The following CATSPER1 variants were observed in gnomAD, a reference collection of about 807,000 sequenced individuals.
CATSPER1 encodes cation channel sperm-associated protein 1.
CATSPER1 carries 57 observed loss-of-function variants against 72.7 expected under a neutral mutation model. The observed-to-expected ratio is 0.78, with a 90% CI of 0.63 to 0.98. The LOEUF is 0.98. Among genes scored for constraint, CATSPER1 ranks in the 50% least tolerant of loss-of-function variants. The pLI, the probability that CATSPER1 is intolerant of heterozygous loss-of-function variation, is 0.00. For missense variants in CATSPER1, 910 were observed against 1,033.9 expected (o/e 0.88, Z 1.64); for synonymous variants, 363 against 403.0 (o/e 0.90, Z 1.19).
In CATSPER1 at chr11:66,022,891, T is replaced by A; in HGVS notation, c.1387A>T (p.Met463Leu). The change falls in exon 2 of 12, where the codon ATG becomes TTG. Residue 463 changes from methionine (M) to leucine (L), a missense_variant. Physicochemically the swap from Met to Leu is conservative, Grantham distance 15 (BLOSUM62 2). Transcript: ENST00000312106. ...IFFVVCLNTV[M>L]LVAQTFAEVE... ...TCAGCGAAGGTCTGGGCCACCAGCA[T>A]GACGGTGTTGAGGCAGACAACGAAG... The A allele has an allele frequency of 6.2e-7, 1 of 1,614,206 alleles. No individual in the cohort carries two copies. Among genetic ancestry groups the A allele is most frequent in the Non-Finnish European group, 8.5e-7 (1 of 1,180,042 alleles).
chr11:66,024,786 A>ATGATC (rs1856459399), intron 1 of CATSPER1, among the ~76,000 whole-genome samples: 1 of 152,156 alleles, frequency 6.6e-6, no homozygotes, highest in Non-Finnish European at 1.5e-5. Flanking sequence ...CGAGCACAGG[A>ATGATC]TGATCTGTGG....
intron 10 of CATSPER1, 83 bp from the exon 11 acceptor site, chr11:66,017,257 G>A (rs918872786): frequency 1.0e-5 from 10 of 970,232 alleles, no homozygotes; most frequent in Non-Finnish European, 1.6e-5. Flanking sequence ...ACCACCCAGA[G>A]GCTCTTCTTG....
intron 1 of CATSPER1, 32 bp downstream of exon 1, chr11:66,025,132 G>C: frequency 6.2e-7 from 1 of 1,613,794 alleles, no homozygotes; most frequent in Non-Finnish European, 8.5e-7. Context: ...CAGGCAGCAG[G>C]AGTTGGCATG....
In CATSPER1 at chr11:66,021,095, G is replaced by A. The variant is rs778571427; in HGVS notation, c.1782C>T (p.Leu594=). The change falls in exon 5 of 12, where the codon CTC becomes CTT. Residue 594 remains leucine, a splice_region_variant and synonymous_variant. Transcript: ENST00000312106. ...CCAGCCCCTGCAGCACCAGGATACAGAGGCAGGTAAACATGAGGATGAGGA... is the reference window on the plus strand; with the variant it reads ...CCAGCCCCTGCAGCACCAGGATACAAAGGCAGGTAAACATGAGGATGAGGA... The part of the protein sequence containing the change: ...AAILILMFTC[L]FLFSAVLRAL... 15 of 1,612,174 alleles carry A rather than the reference G, an allele frequency of 9.3e-6. No individual in the cohort carries two copies. In the South Asian group the frequency reaches 1.4e-4, roughly 15 times the overall value.
At chr11:66,019,737 A>G (rs1244149153) in intron 9 of CATSPER1, among the ~76,000 whole-genome samples, 1 of 151,558 alleles carries the variant, frequency 6.6e-6, no homozygotes, top group Non-Finnish European at 1.5e-5. Flanking sequence ...TTCTACTAAA[A>G]AATACACACA....
At chr11:66,023,969 G>A (rs1466526873) in intron 1 of CATSPER1, among the ~76,000 whole-genome samples, 2 of 150,954 alleles carry the variant, frequency 1.3e-5, no homozygotes, top group South Asian at 2.1e-4. Context: ...GTTTGTTGTT[G>A]TTGTTGTTTT....
chr11:66,026,313 AG>A lies in CATSPER1; in HGVS notation c.66del (p.Arg24AlafsTer311). 1 of 1,614,218 alleles carries A rather than the reference AG, an allele frequency of 6.2e-7. No individual in the cohort carries two copies. The highest frequency in any genetic ancestry group is 8.5e-7 in the Non-Finnish European group (1 of 1,180,030). On this transcript the variant is annotated frameshift_variant, in exon 1 of 12. Transcript: ENST00000312106. LOFTEE classifies it high-confidence loss of function. ...TGTGGGGGTGATGAGTGAGAGCGAA[AG>A]AACCTATCTGCGTTATTGGTGTCTG... ...NEADTNNADR[F>X]FRSHSSPPHH... is the part of the protein sequence containing the mutation.
rs1277934028 is a variant in CATSPER1 at position 66,020,236 on chromosome 11, A to G, written c.2065-36T>C. The G allele has an allele frequency of 3.7e-6, 6 of 1,613,940 alleles. No homozygotes were observed. Among genetic ancestry groups the G allele is most frequent in the Non-Finnish European group, 3.4e-6 (4 of 1,179,952 alleles). ...GAGGCCTCAGATCTGCCAGAGTCCC[A>G]GGCCTGCTCAACCCTGGAGGCCCCT... is the stretch of plus-strand genomic sequence containing the variant. On this transcript the variant is annotated intron_variant, in intron 8 of 11. Coordinates refer to ENST00000312106, the MANE Select transcript of CATSPER1 (RefSeq NM_053054.4). The surrounding 1 kb of genome is among the most constrained non-coding windows in gnomAD (Gnocchi z 4.5).
At position 66,022,919 on chromosome 11, in the gene CATSPER1, G is replaced by A; in HGVS notation, c.1359C>T (p.Ile453=). The part of the protein sequence containing the change: ...LTQSLAFETF[I]FFVVCLNTVM... ...CGGTGTTGAGGCAGACAACGAAGAA[G>A]ATGAAAGTTTCAAAGGCCAAGGATT... The change falls in exon 2 of 12, where the codon ATC becomes ATT. Residue 453 remains isoleucine, a synonymous_variant. Transcript: ENST00000312106. 1.2e-6 allele frequency: 2 copies of A among 1,614,258 alleles called. No individual in the cohort carries two copies. The highest frequency in any genetic ancestry group is 1.7e-6 in the Non-Finnish European group (2 of 1,180,044).
At position 66,023,145 on chromosome 11, in the gene CATSPER1, A is replaced by G. The variant is rs1248203833; in HGVS notation, c.1217-84T>C. 4 of 1,287,540 alleles carry G rather than the reference A, an allele frequency of 3.1e-6. No homozygotes were observed. The Admixed American group carries it at 7.0e-5, about 23-fold the overall frequency. 79.8% of individuals were successfully genotyped at this position (1,287,540 alleles called of 1,614,324 possible). ...CACCCCCCAGCCTGGCTCAGCGTCCATGGTCACTCCTGCCTGCTTGCTGGC... is the reference window on the plus strand; with the variant it reads ...CACCCCCCAGCCTGGCTCAGCGTCCGTGGTCACTCCTGCCTGCTTGCTGGC... On this transcript the variant is annotated intron_variant, in intron 1 of 11. Transcript: ENST00000312106.
chr11:66,024,271 GTTTTTTTTTTTTT>G (rs796751086), intron 1 of CATSPER1, among the ~76,000 whole-genome samples: 3 of 110,604 alleles, frequency 2.7e-5, no homozygotes, highest in African/African-American at 3.7e-5. Context: ...CAGCCTATTT[GTTTTTTTTTTTTT>G]TTTTTTTTTT....
At chr11:66,016,954 C>G (rs1469972544) in intron 11 of CATSPER1, 38 bp from the exon 12 acceptor site, 1 of 1,614,044 alleles carries the variant, frequency 6.2e-7, no homozygotes, top group South Asian at 1.1e-5. Context: ...GTGAATGAGC[C>G]AGACTTTGCC....
In CATSPER1 at chr11:66,026,302, G is replaced by A. The variant is rs1285346792; in HGVS notation, c.78C>T (p.His26=). The part of the protein sequence containing the change: ...TNNADRFFRS[H]SSPPHHRPGH... ...CTGGCCTGTGGTGTGGGGGTGATGAGTGAGAGCGAAAGAACCTATCTGCGT... is the reference window on the plus strand; with the variant it reads ...CTGGCCTGTGGTGTGGGGGTGATGAATGAGAGCGAAAGAACCTATCTGCGT... The change falls in exon 1 of 12, where the codon CAC becomes CAT. Residue 26 remains histidine, a synonymous_variant. Coordinates refer to ENST00000312106, the MANE Select transcript of CATSPER1 (RefSeq NM_053054.4). The A allele has an allele frequency of 1.9e-6, 3 of 1,614,106 alleles. No individual in the cohort carries two copies. Among genetic ancestry groups the A allele is most frequent in the Non-Finnish European group, 2.5e-6 (3 of 1,180,034 alleles).
rs758815442 is a variant in CATSPER1 at position 66,025,740 on chromosome 11, G to C, written c.640C>G (p.His214Asp). ...HDESQHHQVP[H>D]RGWPHHHQVH... ...TGGTGATGGTGGGGCCAGCCACGGTGGGGGACTTGGTGATGCTGGGACTCA... is the reference window on the plus strand; with the variant it reads ...TGGTGATGGTGGGGCCAGCCACGGTCGGGGACTTGGTGATGCTGGGACTCA... Residue 214 changes from histidine to aspartate, a missense_variant, in exon 1 of 12, where the codon CAC (histidine) becomes GAC (aspartate). Transcript: ENST00000312106. 1.9e-5 allele frequency: 30 copies of C among 1,613,838 alleles called. 1 individual carries two copies. In the Middle Eastern group the frequency reaches 4.9e-4, roughly 27 times the overall value.
chr11:66,020,529 T>C lies in CATSPER1; in HGVS notation c.1991+35A>G, dbSNP rs754621834. The C allele has an allele frequency of 6.2e-6, 10 of 1,601,810 alleles. No individual in the cohort carries two copies. The African/African-American group carries it at 1.3e-4, about 21-fold the overall frequency. On this transcript the variant is annotated intron_variant, in intron 7 of 11. Coordinates refer to ENST00000312106, the MANE Select transcript of CATSPER1 (RefSeq NM_053054.4). The surrounding 1 kb of genome is among the most constrained non-coding windows in gnomAD (Gnocchi z 4.5). ...CCCAGGGGAGAGGAGGAAGTGTGGG[T>C]GGTGCTGGGCAGCAGAGCAGGGGTG...
chr11:66,025,073 G>C (rs56947039), intron 1 of CATSPER1, 91 bp downstream of exon 1: 4 of 1,539,110 alleles, frequency 2.6e-6, no homozygotes, highest in Middle Eastern at 1.9e-4. Context: ...CGGGCCTTAC[G>C]ATCTGCGGAA....
chr11:66,021,029 C>G, intron 5 of CATSPER1, 65 bp downstream of exon 5: 1 of 1,606,954 alleles, frequency 6.2e-7, no homozygotes, highest in Non-Finnish European at 8.5e-7. Flanking sequence ...CCCATCCCTG[C>G]TCCCCGCACC....
chr11:66,020,960 T>C lies in CATSPER1; in HGVS notation c.1784-6A>G. 6.2e-7 allele frequency: 1 copy of C among 1,613,822 alleles called. No individual in the cohort carries two copies. Among genetic ancestry groups the C allele is most frequent in the Non-Finnish European group, 8.5e-7 (1 of 1,180,006 alleles). Reference sequence around the variant, plus strand: ...GAGGACCGCGGAGAAGAGGACTGGCTGTTCAGGGCCAAACTCAGCTCTCCA... The same window carrying C: ...GAGGACCGCGGAGAAGAGGACTGGCCGTTCAGGGCCAAACTCAGCTCTCCA... On this transcript the variant is annotated splice_polypyrimidine_tract_variant and splice_region_variant and intron_variant, in intron 5 of 11. Transcript: ENST00000312106. This position sits in a 1 kb window ranked among gnomAD's most constrained non-coding sequence, Gnocchi z 4.5.
Position 66,020,242 on chromosome 11 carries a change from G to A in CATSPER1, c.2065-42C>T. ...TCAGATCTGCCAGAGTCCCAGGCCT[G>A]CTCAACCCTGGAGGCCCCTGGCCTC... On this transcript the variant is annotated intron_variant, in intron 8 of 11. Coordinates refer to ENST00000312106, the MANE Select transcript of CATSPER1 (RefSeq NM_053054.4). This position sits in a 1 kb window ranked among gnomAD's most constrained non-coding sequence, Gnocchi z 4.5. 1 of 1,613,814 alleles carries A rather than the reference G, an allele frequency of 6.2e-7. No individual in the cohort carries two copies. Among genetic ancestry groups the A allele is most frequent in the East Asian group, 2.2e-5 (1 of 44,880 alleles).
Sources: gnomAD v4.1 joint callset for allele counts (sites outside exome capture counted in the v4.1 genomes callset) on GRCh38, gnomAD v4.1.1 for gene constraint, Gnocchi (gnomAD v3.1) non-coding constraint, MANE v1.5 for transcripts, NCBI Gene and HGNC (gene_info 2026-07-23, HGNC 2026-07-21) for gene names.